The following OR2L13 variants were observed in gnomAD, a reference collection of about 807,000 sequenced individuals.
The protein encoded by OR2L13 is olfactory receptor family 2 subfamily L member 13.
Under a neutral mutation model 15.3 loss-of-function variants are expected in OR2L13, and 14 were observed. The ratio of observed to expected loss-of-function variants is 0.91; its 90% confidence interval spans 0.60 to 1.43. The LOEUF (loss-of-function observed/expected upper bound fraction) is 1.43. Ranked by LOEUF, OR2L13 falls within the 40% of genes most tolerant of loss-of-function variation. The pLI is 0.00. For synonymous variants in OR2L13, 152 were observed against 142.9 expected, an observed-to-expected ratio of 1.06 and a Z score of -0.45; for missense variants, 367 against 387.9, an observed-to-expected ratio of 0.95 and a Z score of 0.45.
the OR2L13 span, among the ~76,000 whole-genome samples, chr1:247,962,633 T>A: frequency 1.3e-5 from 2 of 152,236 alleles, no homozygotes; most frequent in Non-Finnish European, 2.9e-5. Context: ...ATAGCAGAAG[T>A]GTCTACTTTT....
At chr1:248,032,688 T>C in the OR2L13 span, among the ~76,000 whole-genome samples, 1 of 152,232 alleles carries the variant, frequency 6.6e-6, no homozygotes, top group African/African-American at 2.4e-5. Context: ...AAAATTTCTT[T>C]CATTTTAAAA....
At chr1:248,047,570 C>T in the OR2L13 span, among the ~76,000 whole-genome samples, 23,290 of 152,032 alleles carry the variant, frequency 0.15, 2,100 homozygotes, top group East Asian at 0.32. Flanking sequence ...TGTTTTTACA[C>T]GCAACTTGAT....
chr1:247,948,842 AT>A, the OR2L13 span: 1 of 1,582,788 alleles, frequency 6.3e-7, no homozygotes, highest in Non-Finnish European at 8.6e-7. Flanking sequence ...TTCCGAATGG[AT>A]TGTAGGAATG....
the OR2L13 span, among the ~76,000 whole-genome samples, chr1:248,035,382 G>A: frequency 6.6e-6 from 1 of 152,002 alleles, no homozygotes; most frequent in African/African-American, 2.4e-5. Context: ...CTGGGAGGCG[G>A]AGCTTGCAGT....
the OR2L13 span, among the ~76,000 whole-genome samples, chr1:247,945,601 A>C: frequency 1.3e-5 from 2 of 152,168 alleles, no homozygotes; most frequent in Admixed American, 6.6e-5. Flanking sequence ...GGGGTATTAA[A>C]GTCTCCCGCT....
At chr1:248,006,579 G>A in the OR2L13 span, among the ~76,000 whole-genome samples, 82 of 152,200 alleles carry the variant, frequency 5.4e-4, no homozygotes, top group Non-Finnish European at 9.3e-4. Context: ...GCCTAGGATA[G>A]TGGTGGGAAT....
At chr1:248,038,705 AT>A in the OR2L13 span, 1 of 1,614,076 alleles carries the variant, frequency 6.2e-7, no homozygotes, top group South Asian at 1.1e-5. Flanking sequence ...TGATAACAGG[AT>A]CTTGGATGAT....
the OR2L13 span, chr1:247,965,757 T>C: frequency 6.3e-7 from 1 of 1,575,452 alleles, no homozygotes; most frequent in Non-Finnish European, 8.6e-7. Flanking sequence ...TAGCTATCTG[T>C]CACCCTTTAC....
At chr1:248,002,006 A>C in the OR2L13 span, among the ~76,000 whole-genome samples, 1 of 152,192 alleles carries the variant, frequency 6.6e-6, no homozygotes, top group South Asian at 2.1e-4. Context: ...ATAATTAACC[A>C]ATAATATAAA....
At chr1:247,960,059 A>G in the OR2L13 span, among the ~76,000 whole-genome samples, 1 of 151,898 alleles carries the variant, frequency 6.6e-6, no homozygotes, top group African/African-American at 2.4e-5. Context: ...TTTTTTCCCC[A>G]TCTTTGTGGT....
the OR2L13 span, among the ~76,000 whole-genome samples, chr1:248,012,462 G>T: frequency 6.6e-6 from 1 of 152,066 alleles, no homozygotes; most frequent in East Asian, 1.9e-4. Context: ...CTTTCATACA[G>T]AAATCCTCTC....
chr1:248,065,867 A>T, the OR2L13 span, among the ~76,000 whole-genome samples: 1 of 152,034 alleles, frequency 6.6e-6, no homozygotes, highest in Non-Finnish European at 1.5e-5. Flanking sequence ...TTAACATTGG[A>T]GAAAAAGGTT....
the OR2L13 span, chr1:248,063,322 G>A: frequency 2.6e-5 from 4 of 152,224 alleles, no homozygotes; most frequent in Non-Finnish European, 4.4e-5. Flanking sequence ...TAACGGTAAA[G>A]TATTACATAG....
At chr1:248,048,575 T>C in the OR2L13 span, among the ~76,000 whole-genome samples, 1 of 152,116 alleles carries the variant, frequency 6.6e-6, no homozygotes, top group Non-Finnish European at 1.5e-5. Flanking sequence ...ACTGTAGACA[T>C]GCAGATTCAG....
At chr1:248,038,630 T>G in the OR2L13 span, 1 of 1,614,142 alleles carries the variant, frequency 6.2e-7, no homozygotes, top group Non-Finnish European at 8.5e-7. Flanking sequence ...CCTATGATCG[T>G]TATGTGGCCA....
chr1:248,071,081 A>G, the OR2L13 span, among the ~76,000 whole-genome samples: 1 of 152,172 alleles, frequency 6.6e-6, no homozygotes, highest in African/African-American at 2.4e-5. Flanking sequence ...TTCTGAAACT[A>G]TTCCAATCAA....
At chr1:248,069,702 C>T in the OR2L13 span, among the ~76,000 whole-genome samples, 3 of 151,980 alleles carry the variant, frequency 2.0e-5, no homozygotes, top group Admixed American at 6.6e-5. Context: ...GAGTCAAGAC[C>T]CATCAGTGTG....
the OR2L13 span, among the ~76,000 whole-genome samples, chr1:248,025,535 G>T: frequency 6.7e-6 from 1 of 149,484 alleles, no homozygotes. Flanking sequence ...GTGGAAGTCA[G>T]TGTGGCGATT....
chr1:248,003,586 G>A, the OR2L13 span: 17 of 1,611,986 alleles, frequency 1.1e-5, no homozygotes, highest in South Asian at 9.9e-5. Flanking sequence ...TCATAGGCTC[G>A]ATCAATGCTT....
Sources: gnomAD v4.1 joint callset for allele counts (sites outside exome capture counted in the v4.1 genomes callset) on GRCh38, gnomAD v4.1.1 for gene constraint, MANE v1.5 for transcripts, NCBI Gene and HGNC (gene_info 2026-07-23, HGNC 2026-07-21) for gene names.